Variants in PLCB4 observed in about 807,000 individuals in gnomAD.
PLCB4 encodes phospholipase C beta 4.
A neutral mutation model predicts 178.8 loss-of-function variants in PLCB4; 77 were observed. That is an observed-to-expected ratio of 0.43 (90% CI 0.36 to 0.52). The LOEUF is 0.52. Ranked by LOEUF, PLCB4 falls within the 20% of genes least tolerant of loss-of-function variation. The pLI, the probability that PLCB4 is intolerant of heterozygous loss-of-function variation, is 0.00. For synonymous variants in PLCB4, 496 were observed against 490.8 expected (o/e 1.01, Z -0.14); for missense variants, 1,024 against 1,453.4 (o/e 0.70, Z 4.80).
chr20:9,102,243 A>G (rs539049564), intron 2 of PLCB4, among the ~76,000 whole-genome samples: 20 of 152,314 alleles, frequency 1.3e-4, no homozygotes, highest in African/African-American at 4.8e-4. Context: ...TGCTTCATAA[A>G]TGTATAGAAA....
intron 3 of PLCB4, among the ~76,000 whole-genome samples, chr20:9,289,605 A>C (rs1406919364): frequency 6.6e-6 from 1 of 152,032 alleles, no homozygotes; most frequent in Non-Finnish European, 1.5e-5. Context: ...ACTACCTCTT[A>C]TTAAAGCAGC....
intron 7 of PLCB4, among the ~76,000 whole-genome samples, chr20:9,343,561 G>A (rs897880403): frequency 4.6e-5 from 7 of 152,126 alleles, no homozygotes; most frequent in African/African-American, 1.4e-4. Flanking sequence ...TTCAGTAAAA[G>A]ATAACAGCAT....
intron 1 of PLCB4, among the ~76,000 whole-genome samples, chr20:9,088,178 C>CT (rs10554943): frequency 4.0e-5 from 4 of 99,166 alleles, no homozygotes; most frequent in East Asian, 2.3e-4. Context: ...CTTTTCTTTT[C>CT]TTTTTTTTTT....
chr20:9,193,336 G>A (rs951482097), intron 2 of PLCB4, among the ~76,000 whole-genome samples: 2 of 152,220 alleles, frequency 1.3e-5, no homozygotes, highest in African/African-American at 4.8e-5. Flanking sequence ...CTAATCCACT[G>A]AGGACCAGTG....
intron 2 of PLCB4, among the ~76,000 whole-genome samples, chr20:9,212,872 A>G (rs1310608635): frequency 6.6e-6 from 1 of 152,224 alleles, no homozygotes; most frequent in Non-Finnish European, 1.5e-5. Flanking sequence ...TAATTTACAT[A>G]TCATAAAATG....
At chr20:9,113,336 C>T (rs1447717051) in intron 2 of PLCB4, among the ~76,000 whole-genome samples, 1 of 152,156 alleles carries the variant, frequency 6.6e-6, no homozygotes, top group African/African-American at 2.4e-5. Context: ...TCCAAGAGAA[C>T]ATTCTTTGAG....
chr20:9,286,961 A>G (rs916508731), intron 3 of PLCB4, among the ~76,000 whole-genome samples: 38 of 152,052 alleles, frequency 2.5e-4, no homozygotes, highest in African/African-American at 8.9e-4. Context: ...GAGTCAAAGA[A>G]TACCATATTT....
At chr20:9,451,630 G>A (rs866770711) in intron 32 of PLCB4, among the ~76,000 whole-genome samples, 4 of 152,158 alleles carry the variant, frequency 2.6e-5, no homozygotes, top group South Asian at 2.1e-4. Context: ...AGTAGATCAA[G>A]CATGGAGGAA....
At chr20:9,216,443 T>G (rs2093733597) in intron 2 of PLCB4, among the ~76,000 whole-genome samples, 1 of 152,118 alleles carries the variant, frequency 6.6e-6, no homozygotes, top group East Asian at 1.9e-4. Flanking sequence ...GGTCTTGATC[T>G]CCTGACCTCG....
Position 9,427,825 on chromosome 20 carries a change from G to A in PLCB4, c.2524+3873G>A, listed in dbSNP as rs556849844. On this transcript the variant is annotated intron_variant, in intron 28 of 39. Transcript: ENST00000378473. ...ATAAGAGAGTTGATGCTTTGCTTCC[G>A]AAATCTATGGAGCCTCAGCATTGTA... is the stretch of plus-strand genomic sequence containing the variant. 1.3e-4 allele frequency among the ~76,000 whole-genome samples: 20 copies of A among 152,258 alleles called. No homozygotes were observed. In the South Asian group the frequency reaches 3.1e-3, roughly 24 times the overall value.
chr20:9,185,969 T>C (rs1034177442), intron 2 of PLCB4, among the ~76,000 whole-genome samples: 3 of 152,236 alleles, frequency 2.0e-5, no homozygotes, highest in African/African-American at 7.2e-5. Flanking sequence ...CTTTAATATA[T>C]GGTATAATTT....
At chr20:9,153,190 T>A (rs931681059) in intron 2 of PLCB4, among the ~76,000 whole-genome samples, 2 of 152,152 alleles carry the variant, frequency 1.3e-5, no homozygotes, top group Non-Finnish European at 2.9e-5. Flanking sequence ...TTTGGGTTGA[T>A]GCTGAAATGA....
chr20:9,144,646 AG>A (rs1300576859), intron 2 of PLCB4, among the ~76,000 whole-genome samples: 7 of 142,182 alleles, frequency 4.9e-5, no homozygotes, highest in East Asian at 4.3e-4. Flanking sequence ...AAAAAAGAAA[AG>A]AAGAAGAAGA....
At chr20:9,410,672 C>T (rs966556740) in intron 24 of PLCB4, among the ~76,000 whole-genome samples, 8 of 152,092 alleles carry the variant, frequency 5.3e-5, no homozygotes, top group African/African-American at 1.4e-4. Context: ...TTCACCCTCC[C>T]GGGTATCTCC....
chr20:9,437,701 T>G (rs1415892882), intron 30 of PLCB4, among the ~76,000 whole-genome samples: 2 of 152,220 alleles, frequency 1.3e-5, no homozygotes, highest in East Asian at 3.8e-4. Flanking sequence ...ATTTTTCTTG[T>G]TCTGGAAAGA....
chr20:9,211,963 G>T (rs575469222), intron 2 of PLCB4, among the ~76,000 whole-genome samples: 2 of 152,318 alleles, frequency 1.3e-5, no homozygotes, highest in African/African-American at 2.4e-5. Context: ...TGCTATGGTC[G>T]ATTGTAAAAA....
chr20:9,300,853 C>T (rs1355074009), intron 3 of PLCB4, among the ~76,000 whole-genome samples: 2 of 152,052 alleles, frequency 1.3e-5, no homozygotes, highest in Non-Finnish European at 2.9e-5. Flanking sequence ...TATGCATTTT[C>T]TGGGCTACTA....
Position 9,258,613 on chromosome 20 carries a change from G to A in PLCB4, c.-16+41161G>A, listed in dbSNP as rs978810899. On this transcript the variant is annotated intron_variant, in intron 3 of 39. Coordinates refer to ENST00000378473, the MANE Select transcript of PLCB4 (RefSeq NM_001377142.1). The stretch of plus-strand genomic sequence containing the variant: ...GCCTGTAGTCTCAGCTACTCAGGAT[G>A]CTGAGGCAGGAGAATCGCTTGAACT... Among the ~76,000 whole-genome samples the A allele has an allele frequency of 4.6e-5, 7 of 151,356 alleles. No individual in the cohort carries two copies. The South Asian group carries it at 1.5e-3, about 32-fold the overall frequency.
At chr20:9,451,885 C>A (rs1254292429) in intron 32 of PLCB4, among the ~76,000 whole-genome samples, 1 of 152,214 alleles carries the variant, frequency 6.6e-6, no homozygotes, top group African/African-American at 2.4e-5. Flanking sequence ...CACTGAAAAA[C>A]CCATGTCCTT....
Sources: gnomAD v4.1 joint callset for allele counts (sites outside exome capture counted in the v4.1 genomes callset) on GRCh38, gnomAD v4.1.1 for gene constraint, MANE v1.5 for transcripts, NCBI Gene and HGNC (gene_info 2026-07-23, HGNC 2026-07-21) for gene names.